FARP1: variants seen among roughly 807,000 people sequenced by gnomAD.
FARP1 encodes FERM, ARHGEF and pleckstrin domain-containing protein 1.
Under a neutral mutation model 128.8 loss-of-function variants are expected in FARP1, and 52 were observed. The ratio of observed to expected loss-of-function variants is 0.40; its 90% CI spans 0.32 to 0.51. The LOEUF (loss-of-function observed/expected upper bound fraction) is 0.51, where lower values mean the gene tolerates loss of function less well. Among genes scored for constraint, FARP1 ranks in the 20% least tolerant of loss-of-function variants. FARP1 has a pLI of 0.45. For synonymous variants in FARP1, 580 were observed against 551.8 expected (o/e 1.05, Z -0.72); for missense variants, 1,333 against 1,367.9 (o/e 0.97, Z 0.40).
intron 16 of FARP1, among the ~76,000 whole-genome samples, chr13:98,418,300 A>C (rs953724801): frequency 1.3e-4 from 19 of 149,748 alleles, no homozygotes; most frequent in African/African-American, 4.7e-4. Flanking sequence ...TTTGAGATGG[A>C]GTTTCCCTCT....
intron 8 of FARP1, among the ~76,000 whole-genome samples, chr13:98,386,772 C>T (rs1181185457): frequency 1.4e-5 from 2 of 147,032 alleles, no homozygotes; most frequent in Admixed American, 6.9e-5. Flanking sequence ...TTATTGAGCT[C>T]TTCCAGGTTT....
At chr13:98,343,618 G>A (rs1346409532) in intron 2 of FARP1, 144 bp from the exon 3 acceptor site, 13 of 656,554 alleles carry the variant, frequency 2.0e-5, no homozygotes, top group South Asian at 5.3e-5. Context: ...TGGGGCTGGC[G>A]TTCAGGGTGT....
Position 98,254,972 on chromosome 13 carries a change from T to C in FARP1, c.171+41559T>C, listed in dbSNP as rs142483963. The stretch of plus-strand genomic sequence containing the variant: ...TTTTTTTTTTAAAGGTTATTTTGCA[T>C]TGAAAAACAAAGGAAGAATTTTTTA... On this transcript the variant is annotated intron_variant, in intron 2 of 26. Transcript: ENST00000319562. Among the ~76,000 whole-genome samples the C allele has an allele frequency of 8.0e-3, 1,217 of 152,072 alleles. 15 individuals are homozygous for C. Among genetic ancestry groups the C allele is most frequent in the Non-Finnish European group, 0.012 (834 of 67,974 alleles).
At chr13:98,402,497 G>A (rs1890817801) in intron 13 of FARP1, 1 of 152,176 alleles carries the variant, frequency 6.6e-6, no homozygotes, top group Non-Finnish European at 1.5e-5. Context: ...TGACCAGTCT[G>A]TTATTACTCA....
chr13:98,377,391 A>T (rs890179035), intron 5 of FARP1, among the ~76,000 whole-genome samples: 3 of 140,760 alleles, frequency 2.1e-5, no homozygotes, highest in African/African-American at 7.7e-5. Flanking sequence ...AAAAAAAAAA[A>T]TGACGCCCCC....
At chr13:98,186,365 C>T (rs1257307750) in intron 1 of FARP1, among the ~76,000 whole-genome samples, 1 of 152,112 alleles carries the variant, frequency 6.6e-6, no homozygotes, top group East Asian at 1.9e-4. Flanking sequence ...ACCTCGACCT[C>T]CCAAAGTGCT....
In FARP1 at chr13:98,440,127, C is replaced by T. The variant is rs369687276; in HGVS notation, c.2521C>T (p.Arg841Trp). Residue 841 changes from arginine (R) to tryptophan (W), a missense_variant, in exon 23 of 27, where the codon CGG (arginine) becomes TGG (tryptophan). By Grantham distance (101) the Arg-to-Trp change is moderately radical. This residue lies in a region of FARP1 where 1,009 missense variants were observed against 969.8 expected (regional missense o/e 1.04). Transcript: ENST00000319562. The stretch of plus-strand genomic sequence containing the variant: ...CTGACGCGTCTCTGTCTCCAGTTCT[C>T]GGTCCGAGATGGAGAAGTGGGTTGA... ...RQSIIVAASS[R>W]SEMEKWVEDI... 23 of 1,613,330 alleles carry T rather than the reference C, an allele frequency of 1.4e-5. No homozygotes were observed. In the Admixed American group the frequency reaches 2.7e-4, roughly 19 times the overall value.
intron 17 of FARP1, among the ~76,000 whole-genome samples, chr13:98,424,867 G>A (rs1314268948): frequency 6.7e-6 from 1 of 149,496 alleles, no homozygotes; most frequent in African/African-American, 2.5e-5. Flanking sequence ...AAAACATTAT[G>A]AGATTTTCTT....
At chr13:98,398,260 C>G (rs1446990906) in intron 13 of FARP1, 3 of 152,156 alleles carry the variant, frequency 2.0e-5, no homozygotes, top group Non-Finnish European at 4.4e-5. Flanking sequence ...CTGATTGAAT[C>G]AAGCTGATTG....
intron 1 of FARP1, among the ~76,000 whole-genome samples, chr13:98,185,190 A>G (rs1354236969): frequency 6.6e-6 from 1 of 152,124 alleles, no homozygotes; most frequent in African/African-American, 2.4e-5. Flanking sequence ...TGCTTAATAA[A>G]TATTGATATA....
chr13:98,166,970 GC>G (rs1877309787), intron 1 of FARP1, among the ~76,000 whole-genome samples: 1 of 152,204 alleles, frequency 6.6e-6, no homozygotes, highest in Admixed American at 6.5e-5. Context: ...CAGGCAATCT[GC>G]CTGCCTCGGC....
In FARP1 at chr13:98,449,570, T is replaced by TGAGAACCAGGAAC. The variant is rs1893084937; in HGVS notation, c.*1255_*1267dup. On this transcript the variant is annotated 3_prime_UTR_variant, in exon 27 of 27. Transcript: ENST00000319562. ...CCCCGCACCATAGCACCTGCCCACC[T>TGAGAACCAGGAAC]GAGAACCAGGAACGCACCCTCTCTG... The TGAGAACCAGGAAC allele has an allele frequency of 6.6e-6, 1 of 152,570 alleles. No individual in the cohort carries two copies. Among genetic ancestry groups the TGAGAACCAGGAAC allele is most frequent in the Admixed American group, 6.5e-5 (1 of 15,280 alleles). The allele number at this position is 152,570 out of a possible 1,614,324, so 9.5% of individuals were successfully genotyped here. A position where few individuals can be genotyped will look rare whatever the true frequency, so the allele number is the denominator to read the frequency against.
chr13:98,417,455 G>GGGAAAAAA lies in FARP1; in HGVS notation c.1826+5421_1826+5422insGGAAAAAA, dbSNP rs1491453247. ...AGGAAACAGAGGCCACCAGAGGTTT[G>GGGAAAAAA]AAAAAAAAAAAAAAAAAAAAAAAAA... On this transcript the variant is annotated intron_variant, in intron 16 of 26. Transcript: ENST00000319562. Among the ~76,000 whole-genome samples the GGGAAAAAA allele has an allele frequency of 1.8e-3, 103 of 58,476 alleles. 1 individual carries two copies. The highest frequency in any genetic ancestry group is 9.6e-3 in the Middle Eastern group (1 of 104). The allele number at this position is 58,476 out of a possible 152,430, so 38.4% of individuals were successfully genotyped here. A position where few individuals can be genotyped will look rare whatever the true frequency, so the allele number is the denominator to read the frequency against.
intron 2 of FARP1, among the ~76,000 whole-genome samples, chr13:98,321,784 G>A (rs1887002802): frequency 6.6e-6 from 1 of 152,176 alleles, no homozygotes; most frequent in Non-Finnish European, 1.5e-5. Context: ...GAAATTTTAT[G>A]GAATAGAAAA....
At chr13:98,424,384 C>A (rs1891699666) in intron 16 of FARP1, among the ~76,000 whole-genome samples, 188 bp from the exon 17 acceptor site, 1 of 152,280 alleles carries the variant, frequency 6.6e-6, no homozygotes, top group Non-Finnish European at 1.5e-5. Flanking sequence ...AAGTGGAATT[C>A]TTTGCAGGAT....
intron 3 of FARP1, among the ~76,000 whole-genome samples, chr13:98,349,671 GGAAAAAAAAAAAAAA>G (rs1471798807): frequency 2.4e-5 from 2 of 83,138 alleles, no homozygotes; most frequent in Middle Eastern, 5.7e-3. Context: ...CCCATCTCAG[GGAAAAAAAAAAAAAA>G]AAAAAAAAAA....
chr13:98,319,534 G>T (rs1451137824), intron 2 of FARP1, among the ~76,000 whole-genome samples: 1 of 152,124 alleles, frequency 6.6e-6, no homozygotes, highest in African/African-American at 2.4e-5. Context: ...GCAGGAGAAT[G>T]GTGTGAACCC....
At chr13:98,423,017 C>G (rs939874836) in intron 16 of FARP1, among the ~76,000 whole-genome samples, 1 of 152,182 alleles carries the variant, frequency 6.6e-6, no homozygotes, top group Non-Finnish European at 1.5e-5. Context: ...GTCTGAGTCC[C>G]AAAGCTGAAG....
intron 2 of FARP1, among the ~76,000 whole-genome samples, chr13:98,298,838 T>A (rs1213049358): frequency 6.6e-6 from 1 of 152,198 alleles, no homozygotes; most frequent in Non-Finnish European, 1.5e-5. Context: ...TGTTTCTTGC[T>A]GTAAAGTGGA....
Sources: allele counts gnomAD v4.1 joint callset (sites outside exome capture counted in the v4.1 genomes callset), GRCh38; gene constraint gnomAD v4.1.1; regional missense constraint gnomAD v4.1.1; transcripts MANE v1.5; gene names NCBI Gene and HGNC (gene_info 2026-07-23, HGNC 2026-07-21).